KIAA1328: variants seen among roughly 807,000 people sequenced by gnomAD.
KIAA1328 encodes the protein protein hinderin.
In KIAA1328, 52 loss-of-function variants were observed where a neutral mutation model predicts 68.1. The observed-to-expected ratio is 0.76, with a 90% CI of 0.61 to 0.96. The LOEUF (loss-of-function observed/expected upper bound fraction) is 0.96. KIAA1328 is among the 40% of genes least tolerant of loss of function. The pLI, the probability that KIAA1328 is intolerant of heterozygous loss-of-function variation, is 0.00. For missense variants in KIAA1328, 641 were observed against 677.6 expected (o/e 0.95, Z 0.60); for synonymous variants, 232 against 239.4 (o/e 0.97, Z 0.28).
At chr18:37,226,060 C>A (rs2060634787), downstream of KIAA1328, among the ~76,000 whole-genome samples, 1 of 152,188 alleles carries the variant, frequency 6.6e-6, no homozygotes, top group African/African-American at 2.4e-5. Context: ...ATAGCCCAGA[C>A]TTTCAGCTAA....
At chr18:36,931,374 T>C (rs1162221388) in intron 5 of KIAA1328, among the ~76,000 whole-genome samples, 1 of 152,010 alleles carries the variant, frequency 6.6e-6, no homozygotes, top group African/African-American at 2.4e-5. Context: ...GCAAACCCTA[T>C]TGTGAACTGT....
chr18:37,173,924 A>G (rs756982038), intron 9 of KIAA1328, among the ~76,000 whole-genome samples: 12 of 152,232 alleles, frequency 7.9e-5, no homozygotes, highest in Non-Finnish European at 1.2e-4. Flanking sequence ...GTTCCACAGA[A>G]GCCAAACCTA....
intron 7 of KIAA1328, among the ~76,000 whole-genome samples, chr18:37,070,751 A>AT (rs1269174298): frequency 6.6e-6 from 1 of 151,384 alleles, no homozygotes; most frequent in African/African-American, 2.4e-5. Flanking sequence ...TTATATATGT[A>AT]TTTTTTAGTA....
chr18:37,196,574 G>A (rs2060006949), intron 9 of KIAA1328, among the ~76,000 whole-genome samples: 1 of 152,016 alleles, frequency 6.6e-6, no homozygotes, highest in East Asian at 1.9e-4. Flanking sequence ...TTCTGTTGAC[G>A]TGATATATCA....
At chr18:36,970,390 G>A (rs111864715) in intron 6 of KIAA1328, among the ~76,000 whole-genome samples, 5,190 of 152,124 alleles carry the variant, frequency 0.034, 114 homozygotes, top group East Asian at 0.097. Context: ...CTTTGAAAAC[G>A]GGCACAAGAT....
chr18:37,031,132 G>T (rs945646829), intron 6 of KIAA1328, among the ~76,000 whole-genome samples: 1 of 152,110 alleles, frequency 6.6e-6, no homozygotes, highest in East Asian at 1.9e-4. Context: ...GAATAGTGCC[G>T]CAATAAACAT....
At chr18:36,891,022 G>A (rs1293622566) in intron 5 of KIAA1328, among the ~76,000 whole-genome samples, 1 of 152,090 alleles carries the variant, frequency 6.6e-6, no homozygotes, top group East Asian at 1.9e-4. Context: ...TACTAAAGCA[G>A]AATAGAAAGT....
chr18:36,875,008 GTGTTCTCTTTCAC>G (rs1398204005), intron 4 of KIAA1328, among the ~76,000 whole-genome samples: 4 of 152,086 alleles, frequency 2.6e-5, no homozygotes, highest in African/African-American at 7.2e-5. Flanking sequence ...TCTGAGGCCT[GTGTTCTCTTTCAC>G]TGGTCTATAT....
Position 36,939,862 on chromosome 18 carries a change from T to C in KIAA1328, c.449-19446T>C, listed in dbSNP as rs186147285. ...ATTGAGATGATCACCACGGTTTTTA[T>C]TGAACAAATGTCTGCTGTTTTACAT... On this transcript the variant is annotated intron_variant, in intron 5 of 9. Coordinates refer to ENST00000280020, the MANE Select transcript of KIAA1328 (RefSeq NM_020776.3). Among the ~76,000 whole-genome samples, 440 of 152,290 alleles carry C rather than the reference T, an allele frequency of 2.9e-3. 1 individual carries two copies. The highest frequency in any genetic ancestry group is 4.2e-3 in the Non-Finnish European group (285 of 68,022).
chr18:37,070,563 T>A (rs2056488920), intron 7 of KIAA1328, among the ~76,000 whole-genome samples: 1 of 152,044 alleles, frequency 6.6e-6, no homozygotes, highest in South Asian at 2.1e-4. Context: ...AATGTCTTTC[T>A]CTGTCCCCAG....
chr18:36,948,899 T>G (rs1213220954), intron 5 of KIAA1328, among the ~76,000 whole-genome samples: 1 of 152,236 alleles, frequency 6.6e-6, no homozygotes, highest in Non-Finnish European at 1.5e-5. Flanking sequence ...CTGGTAGTTT[T>G]CAGCCTGATA....
Position 37,011,355 on chromosome 18 carries a change from G to C in KIAA1328, c.576+51920G>C, listed in dbSNP as rs891385399. On this transcript the variant is annotated intron_variant, in intron 6 of 9. Transcript: ENST00000280020. The stretch of plus-strand genomic sequence containing the variant: ...TCTTTTTATTTCTTAAGGAAAAAAA[G>C]GCTTTGGAGTCATAATTGACTTCTC... Among the ~76,000 whole-genome samples the C allele has an allele frequency of 2.6e-5, 4 of 152,160 alleles. 1 individual carries two copies. The highest frequency in any genetic ancestry group is 9.6e-5 in the African/African-American group (4 of 41,518).
intron 6 of KIAA1328, among the ~76,000 whole-genome samples, chr18:36,987,167 G>A (rs2052958378): frequency 1.9e-5 from 1 of 51,564 alleles, no homozygotes; most frequent in African/African-American, 5.7e-5. Context: ...AAAAAATGAT[G>A]AGTTCATGTC....
chr18:37,097,135 A>G lies in KIAA1328; in HGVS notation c.1232+29590A>G, dbSNP rs886347916. 7.4e-4 allele frequency among the ~76,000 whole-genome samples: 112 copies of G among 152,210 alleles called. 2 individuals are homozygous for G. Among genetic ancestry groups the G allele is most frequent in the Non-Finnish European group, 1.4e-3 (93 of 68,036 alleles). On this transcript the variant is annotated intron_variant, in intron 7 of 9. Coordinates refer to ENST00000280020, the MANE Select transcript of KIAA1328 (RefSeq NM_020776.3). ...TGCCATTGCTTTTGGTGTTTTAGAC[A>G]TGAAGTCCTTGCCCATGCCTATGTC...
intron 6 of KIAA1328, among the ~76,000 whole-genome samples, chr18:36,964,974 A>G (rs530098167): frequency 1.3e-5 from 2 of 151,946 alleles, no homozygotes; most frequent in East Asian, 3.9e-4. Context: ...TGTAGCCCAT[A>G]CCATTTTACA....
At position 37,125,205 on chromosome 18, in the gene KIAA1328, A is replaced by G. The variant is rs1240492034; in HGVS notation, c.1233-34995A>G. On this transcript the variant is annotated intron_variant, in intron 7 of 9. Coordinates refer to ENST00000280020, the MANE Select transcript of KIAA1328 (RefSeq NM_020776.3). ...CATGGTGGTGCATGCCTGTAGTCCC[A>G]GTTGCTCAGGAGGTTGAGGTAGGAG... Among the ~76,000 whole-genome samples the G allele has an allele frequency of 2.6e-5, 4 of 152,154 alleles. No homozygotes were observed. In the East Asian group the frequency reaches 7.7e-4, roughly 29 times the overall value.
At chr18:36,954,143 C>G (rs1332239450) in intron 5 of KIAA1328, among the ~76,000 whole-genome samples, 8 of 152,066 alleles carry the variant, frequency 5.3e-5, no homozygotes, top group African/African-American at 1.9e-4. Flanking sequence ...GCTGGGACTA[C>G]AGGCGCCTGC....
intron 5 of KIAA1328, among the ~76,000 whole-genome samples, chr18:36,946,678 G>GT (rs1266884127): frequency 1.3e-5 from 2 of 152,038 alleles, no homozygotes; most frequent in Non-Finnish European, 2.9e-5. Context: ...TACATAATGG[G>GT]TTTTTTCTTT....
intron 6 of KIAA1328, among the ~76,000 whole-genome samples, chr18:37,058,794 C>A (rs1240131529): frequency 2.6e-5 from 4 of 151,990 alleles, no homozygotes; most frequent in African/African-American, 9.7e-5. Flanking sequence ...ACAAAAGGTT[C>A]AAAGCAAAGA....
Sources: allele counts gnomAD v4.1 joint callset (sites outside exome capture counted in the v4.1 genomes callset), GRCh38; gene constraint gnomAD v4.1.1; transcripts MANE v1.5; gene names NCBI Gene and HGNC (gene_info 2026-07-23, HGNC 2026-07-21).